Variants in JOSD2 observed in about 807,000 individuals in gnomAD.
JOSD2 encodes josephin-2.
In JOSD2, 20 loss-of-function variants were observed where a neutral mutation model predicts 19.3. That is an observed-to-expected ratio of 1.04 (90% confidence interval 0.73 to 1.51). The LOEUF is 1.51. Ranked by LOEUF, JOSD2 falls within the 40% of genes most tolerant of loss-of-function variation. JOSD2 has a pLI of 0.00. For synonymous variants in JOSD2, 118 were observed against 123.7 expected, an observed-to-expected ratio of 0.95 and a Z score of 0.31; for missense variants, 215 against 250.4, an observed-to-expected ratio of 0.86 and a Z score of 0.95.
At chr19:50,510,211 G>A (rs1000389631) in intron 2 of JOSD2, 75 bp downstream of exon 2, 4 of 1,585,478 alleles carry the variant, frequency 2.5e-6, no homozygotes, top group Non-Finnish European at 3.5e-6. Flanking sequence ...CTCAGCGCCT[G>A]CCTGGCGGCG....
rs1364185182 is a variant in JOSD2, at chr19:50,509,999, G to GC, written c.146+286dup. 1.0e-4 allele frequency: 30 copies of GC among 300,194 alleles called. No individual in the cohort carries two copies. In the East Asian group the frequency reaches 2.1e-3, roughly 21 times the overall value. 18.6% of individuals were successfully genotyped at this position (300,194 alleles called of 1,614,324 possible). On this transcript the variant is annotated intron_variant, in intron 2 of 4. Coordinates refer to ENST00000598418, the MANE Select transcript of JOSD2 (RefSeq NM_001270639.2). ...ACCCGGGAGGCCGAGCTCGCAGTGA[G>GC]CGAGATCGCGCAACTGCACTCCAGC...
chr19:50,511,086 C>A (rs996348982), intron 1 of JOSD2, 31 bp downstream of exon 1: 2 of 452,424 alleles, frequency 4.4e-6, no homozygotes, highest in Admixed American at 4.7e-5. Context: ...CCAGCCACGG[C>A]GCTCGCCCTT....
At position 50,510,450 on chromosome 19, in the gene JOSD2, T is replaced by C; in HGVS notation, c.-17-2A>G. The C allele has an allele frequency of 6.3e-7, 1 of 1,594,048 alleles. No homozygotes were observed. On this transcript the variant is annotated splice_acceptor_variant, in intron 1 of 4. Transcript: ENST00000598418. LOFTEE classifies it low-confidence loss of function (5UTR_SPLICE). Reference sequence around the variant, plus strand: ...GGGACATGCCGTCCTCGGCTCCTGCTGGGGGTTGGGAGGGGGAGAAGGTCC... The same window carrying C: ...GGGACATGCCGTCCTCGGCTCCTGCCGGGGGTTGGGAGGGGGAGAAGGTCC...
chr19:50,506,009 A>G lies in JOSD2; in HGVS notation c.*164T>C. The G allele has an allele frequency of 1.5e-6, 1 of 659,720 alleles. No homozygotes were observed. Among genetic ancestry groups the G allele is most frequent in the Non-Finnish European group, 2.5e-6 (1 of 392,716 alleles). 40.9% of individuals were successfully genotyped at this position (659,720 alleles called of 1,614,324 possible). On this transcript the variant is annotated 3_prime_UTR_variant, in exon 5 of 5. Coordinates refer to ENST00000598418, the MANE Select transcript of JOSD2 (RefSeq NM_001270639.2). The stretch of plus-strand genomic sequence containing the variant: ...ACACAGGCCAGGCAGGCAGCAAATC[A>G]GCAGATTTATTGAGGCAGCAGCGGC...
rs1979299134 is a variant in JOSD2 at position 50,506,007 on chromosome 19, T to G, written c.*166A>C. 3.1e-6 allele frequency: 2 copies of G among 651,854 alleles called. No individual in the cohort carries two copies. The highest frequency in any genetic ancestry group is 5.2e-6 in the Non-Finnish European group (2 of 388,198). The allele number at this position is 651,854 out of a possible 1,614,324, so 40.4% of individuals were successfully genotyped here. A position where few individuals can be genotyped will look rare whatever the true frequency, so the allele number is the denominator to read the frequency against. ...AGACACAGGCCAGGCAGGCAGCAAATCAGCAGATTTATTGAGGCAGCAGCG... is the reference window on the plus strand; with the variant it reads ...AGACACAGGCCAGGCAGGCAGCAAAGCAGCAGATTTATTGAGGCAGCAGCG... On this transcript the variant is annotated 3_prime_UTR_variant, in exon 5 of 5. Coordinates refer to ENST00000598418, the MANE Select transcript of JOSD2 (RefSeq NM_001270639.2).
Position 50,510,294 on chromosome 19 carries a change from G to A in JOSD2, c.138C>T (p.Ile46=), listed in dbSNP as rs764069996. The A allele has an allele frequency of 5.6e-5, 90 of 1,613,314 alleles. No homozygotes were observed. Among genetic ancestry groups the A allele is most frequent in the African/African-American group, 1.3e-5 (1 of 74,944 alleles). Residue 46 remains isoleucine (I), a synonymous_variant, in exon 2 of 5, where the codon ATC becomes ATT. Coordinates refer to ENST00000598418, the MANE Select transcript of JOSD2 (RefSeq NM_001270639.2). The part of the protein sequence containing the change: ...QLFSQEAADE[I]CKRLAPDSRL... ...GGGTGGGTGACGGTCACCTCTTGCA[G>A]ATCTCATCGGCAGCCTCCTGGCTAA...
At chr19:50,510,827 C>T (rs947488969) in intron 1 of JOSD2, among the ~76,000 whole-genome samples, 1 of 151,770 alleles carries the variant, frequency 6.6e-6, no homozygotes, top group African/African-American at 2.4e-5. Flanking sequence ...GTAACAAAGT[C>T]TGTCCTCCGA....
rs1979730942 is a variant in JOSD2, at chr19:50,510,529, C to T, written c.-17-81G>A. The T allele has an allele frequency of 3.7e-6, 5 of 1,344,622 alleles. No homozygotes were observed. In the South Asian group the frequency reaches 5.6e-5, roughly 15 times the overall value. 83.3% of individuals were successfully genotyped at this position (1,344,622 alleles called of 1,614,324 possible). ...CTCCCAGCAGGCCTTTGGGGCATCG[C>T]CATTGATTGAGCTGGGACTCGGAGC... is the stretch of plus-strand genomic sequence containing the variant. On this transcript the variant is annotated intron_variant, in intron 1 of 4. Transcript: ENST00000598418.
chr19:50,507,527 GC>G, intron 3 of JOSD2, 46 bp downstream of exon 3: 1 of 1,566,278 alleles, frequency 6.4e-7, no homozygotes. Context: ...ACTATAGGGT[GC>G]CCTCTGTGCC....
chr19:50,507,355 T>C (rs545390018), intron 3 of JOSD2, among the ~76,000 whole-genome samples: 2 of 151,200 alleles, frequency 1.3e-5, no homozygotes, highest in Non-Finnish European at 2.9e-5. Flanking sequence ...ACCCAACACA[T>C]CCAACGGCCT....
rs201649177 is a variant in JOSD2, at chr19:50,510,745, GCCTCCCCGTC to G, written c.-17-307_-17-298del. On this transcript the variant is annotated intron_variant, in intron 1 of 4. Coordinates refer to ENST00000598418, the MANE Select transcript of JOSD2 (RefSeq NM_001270639.2). ...TGGTCACCTAGCAACAGAGGAACCTGCCTCCCCGTCCCTAGGTAACCAGGGCGCTCTGTGG... is the reference window on the plus strand; with the variant it reads ...TGGTCACCTAGCAACAGAGGAACCTGCCTAGGTAACCAGGGCGCTCTGTGG... Among the ~76,000 whole-genome samples the G allele has an allele frequency of 1.0e-3, 153 of 152,060 alleles. 3 individuals carry two copies. The East Asian group carries it at 0.028, about 28-fold the overall frequency.
chr19:50,510,858 C>G (rs544917204), intron 1 of JOSD2, among the ~76,000 whole-genome samples: 1 of 152,098 alleles, frequency 6.6e-6, no homozygotes, highest in South Asian at 2.1e-4. Flanking sequence ...ATAGAGAATC[C>G]TCCTCCCCTG....
Position 50,507,711 on chromosome 19 carries a change from G to A in JOSD2, c.147-12C>T, listed in dbSNP as rs1342796157. The A allele has an allele frequency of 1.2e-6, 2 of 1,608,120 alleles. No individual in the cohort carries two copies. The highest frequency in any genetic ancestry group is 2.2e-5 in the East Asian group (1 of 44,856). ...AGTCTGGGGCCAACCTGGTAGTGGG[G>A]GTGGCCAGAGCTGAGGTGGGGACCC... On this transcript the variant is annotated splice_polypyrimidine_tract_variant and intron_variant, in intron 2 of 4. Coordinates refer to ENST00000598418, the MANE Select transcript of JOSD2 (RefSeq NM_001270639.2).
intron 3 of JOSD2, among the ~76,000 whole-genome samples, chr19:50,507,073 A>C: frequency 1.5e-5 from 2 of 134,838 alleles, no homozygotes; most frequent in Non-Finnish European, 3.2e-5. Context: ...ATCACCATCC[A>C]ACTAGCCATC....
rs989610792 is a variant in JOSD2, at chr19:50,506,415, G to A, written c.430C>T (p.Arg144Trp). The A allele has an allele frequency of 6.9e-6, 11 of 1,605,184 alleles. No homozygotes were observed. The highest frequency in any genetic ancestry group is 2.7e-5 in the African/African-American group (2 of 74,878). ...TCATCCCCCAGGGCCTCGGGCGCCC[G>A]CAGCTTGGAGTCCAGGTTGTAGTAG... is the stretch of plus-strand genomic sequence containing the variant. ...GVYYNLDSKLRAPEALGDEDG... is the reference protein window; with the variant it reads ...GVYYNLDSKLWAPEALGDEDG... Residue 144 changes from arginine (R) to tryptophan (W), a missense_variant, in exon 4 of 5, where the codon CGG (arginine) becomes TGG (tryptophan). Coordinates refer to ENST00000598418, the MANE Select transcript of JOSD2 (RefSeq NM_001270639.2).
intron 2 of JOSD2, among the ~76,000 whole-genome samples, chr19:50,508,842 AGAG>A (rs1291624882): frequency 5.9e-5 from 9 of 152,058 alleles, no homozygotes; most frequent in Non-Finnish European, 1.3e-4. Flanking sequence ...TGCGAATGAT[AGAG>A]GAGATGACTA....
chr19:50,510,249 C>T, intron 2 of JOSD2, 37 bp downstream of exon 2: 6 of 1,612,708 alleles, frequency 3.7e-6, no homozygotes, highest in Non-Finnish European at 5.1e-6. Context: ...TCCGCCAGAG[C>T]TCTGCTGCTC....
intron 2 of JOSD2, among the ~76,000 whole-genome samples, chr19:50,509,816 G>A (rs1979629518): frequency 6.6e-6 from 1 of 151,922 alleles, no homozygotes; most frequent in Admixed American, 6.6e-5. Flanking sequence ...CACTTTGGGA[G>A]GCCGAGGCGG....
intron 3 of JOSD2, 98 bp downstream of exon 3, chr19:50,507,476 C>T: frequency 2.0e-6 from 3 of 1,481,304 alleles, no homozygotes; most frequent in Non-Finnish European, 9.0e-7. Context: ...ATGCCAACCT[C>T]CCCCAGCCAC....
Sources: allele counts gnomAD v4.1 joint callset (sites outside exome capture counted in the v4.1 genomes callset), GRCh38; gene constraint gnomAD v4.1.1; transcripts MANE v1.5; gene names NCBI Gene and HGNC (gene_info 2026-07-23, HGNC 2026-07-21).